Variants in NLGN4X observed in about 807,000 individuals in gnomAD.
NLGN4X encodes the protein neuroligin 4 X-linked, also known as neuroligin-4, X-linked.
NLGN4X carries 3 observed loss-of-function variants against 40.3 expected under a neutral mutation model. That is an observed-to-expected ratio of 0.07 (90% CI 0.03 to 0.19). NLGN4X has a LOEUF of 0.19. NLGN4X is among the 10% of genes least tolerant of loss of function. NLGN4X has a pLI of 1.00. For missense variants in NLGN4X, 382 were observed against 708.3 expected, an observed-to-expected ratio of 0.54 and a Z score of 5.23; for synonymous variants, 270 against 306.8, an observed-to-expected ratio of 0.88 and a Z score of 1.25.
intron 1 of NLGN4X, among the ~76,000 whole-genome samples, chrX:6,197,511 T>C (rs749296555): frequency 6.5e-5 from 7 of 107,370 alleles, no homozygotes; most frequent in Non-Finnish European, 1.2e-4. Flanking sequence ...AAGCAAGCGG[T>C]TGGTGCCTGC....
At chrX:6,136,692 T>C (rs1170149481) in intron 2 of NLGN4X, among the ~76,000 whole-genome samples, 1 of 112,524 alleles carries the variant, frequency 8.9e-6, no homozygotes, top group African/African-American at 3.2e-5. Context: ...GGTGTTCCAT[T>C]ATCTCTACCA....
At chrX:5,952,342 T>C (rs952449838) in intron 3 of NLGN4X, among the ~76,000 whole-genome samples, 1 of 111,924 alleles carries the variant, frequency 8.9e-6, no homozygotes, top group Non-Finnish European at 1.9e-5. Context: ...TGATGTTAGG[T>C]GCGCCCAGTG....
chrX:5,978,282 TTCTTTCTTTCTTTCTTTCTTTCTTTC>T (rs2035251800), intron 3 of NLGN4X, among the ~76,000 whole-genome samples: 1 of 7,565 alleles, frequency 1.3e-4, no homozygotes, highest in Non-Finnish European at 2.1e-4. Context: ...TTTTCTTTCT[TTCTTTCTTTCTTTCTTTCTTTCTTTC>T]TTTCTTTCTT....
At chrX:5,936,989 T>C (rs2146888474) in intron 3 of NLGN4X, among the ~76,000 whole-genome samples, 1 of 111,708 alleles carries the variant, frequency 9.0e-6, no homozygotes, top group East Asian at 2.8e-4. Context: ...TTTTTCCCTC[T>C]TATCCCATAG....
chrX:5,945,333 C>A (rs1266677054), intron 3 of NLGN4X, among the ~76,000 whole-genome samples: 1 of 111,533 alleles, frequency 9.0e-6, no homozygotes, highest in Non-Finnish European at 1.9e-5. Context: ...AAAAACAACA[C>A]TAAAACAGAT....
rs1926578880 is a variant in NLGN4X, at chrX:6,228,593, G to T, written c.-358C>A. 1 of 111,119 alleles carries T rather than the reference G, an allele frequency of 9.0e-6. No homozygotes were observed. Among genetic ancestry groups the T allele is most frequent in the African/African-American group, 3.3e-5 (1 of 30,449 alleles). The allele number at this position is 111,119 out of a possible 1,213,427, so 9.2% of individuals were successfully genotyped here. The stretch of plus-strand genomic sequence containing the variant: ...GTTAAGAGTTCTTTTTACACGTCCA[G>T]ATTTTTCTAGGGAACCCGAAACGAG... On this transcript the variant is annotated 5_prime_UTR_variant, in exon 1 of 6. In the 5' UTR this introduces an upstream ATG that the reference lacks. Transcript: ENST00000381095.
intron 3 of NLGN4X, among the ~76,000 whole-genome samples, chrX:5,993,843 G>T (rs1218744879): frequency 8.9e-6 from 1 of 111,976 alleles, no homozygotes; most frequent in Non-Finnish European, 1.9e-5. Context: ...AAGAGGTTCA[G>T]CTGAAGTGAT....
intron 2 of NLGN4X, among the ~76,000 whole-genome samples, chrX:6,085,323 G>A (rs1430023796): frequency 1.8e-5 from 2 of 111,363 alleles, no homozygotes; most frequent in Admixed American, 9.5e-5. Context: ...AGTAGAATAC[G>A]GACTTTAGTA....
chrX:6,164,455 C>T (rs1478219072), intron 1 of NLGN4X, among the ~76,000 whole-genome samples: 2 of 112,120 alleles, frequency 1.8e-5, no homozygotes, highest in African/African-American at 3.2e-5. Flanking sequence ...CACAGTTTAA[C>T]CTGCAGTTAG....
chrX:6,088,790 T>A (rs2038562864), intron 2 of NLGN4X, among the ~76,000 whole-genome samples: 1 of 112,084 alleles, frequency 8.9e-6, no homozygotes, highest in African/African-American at 3.2e-5. Context: ...AAGAAGAATA[T>A]ATGATGCCGA....
chrX:6,035,464 G>A lies in NLGN4X; in HGVS notation c.473-6032C>T, dbSNP rs183284959. ...TTTAATTCTTATATTGCCACCTGTC[G>A]TTCGAGTTAATTTTTGGGTACAATA... is the stretch of plus-strand genomic sequence containing the variant. On this transcript the variant is annotated intron_variant, in intron 2 of 5. Coordinates refer to ENST00000381095, the MANE Select transcript of NLGN4X (RefSeq NM_181332.3). Among the ~76,000 whole-genome samples, 39 of 111,563 alleles carry A rather than the reference G, an allele frequency of 3.5e-4. 1 individual carries two copies. The highest frequency in any genetic ancestry group is 5.9e-4 in the African/African-American group (18 of 30,722).
intron 3 of NLGN4X, among the ~76,000 whole-genome samples, chrX:5,925,881 C>CATATATATAT (rs55860509): frequency 6.2e-4 from 12 of 19,490 alleles, no homozygotes; most frequent in Admixed American, 4.3e-3. Context: ...TACATACACA[C>CATATATATAT]ATATATATAT....
At chrX:6,140,250 T>C (rs2039915082) in intron 2 of NLGN4X, among the ~76,000 whole-genome samples, 1 of 111,508 alleles carries the variant, frequency 9.0e-6, no homozygotes, top group Non-Finnish European at 1.9e-5. Context: ...GAGGCAAACT[T>C]GAGGACCGTG....
At chrX:5,936,247 C>T (rs986653779) in intron 3 of NLGN4X, among the ~76,000 whole-genome samples, 4 of 111,574 alleles carry the variant, frequency 3.6e-5, no homozygotes, top group Admixed American at 9.6e-5. Flanking sequence ...AGTTTAACAA[C>T]GGGAGTGATT....
chrX:5,943,289 C>T (rs142872926), intron 3 of NLGN4X, among the ~76,000 whole-genome samples: 17 of 111,585 alleles, frequency 1.5e-4, no homozygotes, highest in African/African-American at 5.2e-4. Flanking sequence ...CCCCATGGAA[C>T]TGGATGTAGC....
rs3220455 is a variant in NLGN4X, at chrX:5,941,180, GGTGTGTGTGTGTGTGTGTGTGT to G, written c.626-31963_626-31942del. 3.4e-4 allele frequency among the ~76,000 whole-genome samples: 20 copies of G among 58,625 alleles called. No homozygotes were observed. In the South Asian group the frequency reaches 0.014, roughly 42 times the overall value. 50.9% of individuals were successfully genotyped at this position (58,625 alleles called of 115,157 possible). A position where few individuals can be genotyped will look rare whatever the true frequency, so the allele number is the denominator to read the frequency against. On this transcript the variant is annotated intron_variant, in intron 3 of 5. Coordinates refer to ENST00000381095, the MANE Select transcript of NLGN4X (RefSeq NM_181332.3). ...CGTTGTTCTGGATCGTATGCTAGGG[GGTGTGTGTGTGTGTGTGTGTGT>G]GTGTGTGTGTGTGTGTGTGTGTGTG...
chrX:6,205,573 A>G (rs1201910755), intron 1 of NLGN4X, among the ~76,000 whole-genome samples: 2 of 112,710 alleles, frequency 1.8e-5, no homozygotes, highest in African/African-American at 6.4e-5. Context: ...GTAGTGTTTG[A>G]TCATTTGTTT....
At chrX:5,895,281 G>A (rs753729237) in intron 5 of NLGN4X, among the ~76,000 whole-genome samples, 1 of 111,816 alleles carries the variant, frequency 8.9e-6, no homozygotes, top group Admixed American at 9.5e-5. Flanking sequence ...CTACATGGCT[G>A]ATGAAAATAT....
chrX:6,163,014 T>C (rs2040430323), intron 1 of NLGN4X, among the ~76,000 whole-genome samples: 1 of 111,332 alleles, frequency 9.0e-6, no homozygotes, highest in African/African-American at 3.3e-5. Context: ...GTTCTCGTGA[T>C]AGTAAGTCTC....
Sources: allele counts gnomAD v4.1 joint callset (sites outside exome capture counted in the v4.1 genomes callset), GRCh38; gene constraint gnomAD v4.1.1; transcripts MANE v1.5; gene names NCBI Gene and HGNC (gene_info 2026-07-23, HGNC 2026-07-21).